THOP1: variants seen among roughly 807,000 people sequenced by gnomAD.
THOP1 encodes thimet oligopeptidase 1.
A neutral mutation model predicts 71.8 loss-of-function variants in THOP1; 49 were observed. The observed-to-expected ratio is 0.68, with a 90% confidence interval of 0.54 to 0.87. THOP1 has a LOEUF of 0.87. Among genes scored for constraint, THOP1 ranks in the 40% least tolerant of loss-of-function variants. The pLI is 0.00. For synonymous variants in THOP1, 426 were observed against 421.5 expected, an observed-to-expected ratio of 1.01 and a Z score of -0.13; for missense variants, 843 against 975.6, an observed-to-expected ratio of 0.86 and a Z score of 1.81.
At chr19:2,807,082 C>A in intron 7 of THOP1, 30 bp downstream of exon 7, 1 of 1,593,280 alleles carries the variant, frequency 6.3e-7, no homozygotes, top group Non-Finnish European at 8.5e-7. Context: ...CCACTGGGGT[C>A]CCTGTGGGGA....
At chr19:2,810,575 G>A (rs912133449) in intron 10 of THOP1, 65 bp from the exon 11 acceptor site, 52 of 1,526,822 alleles carry the variant, frequency 3.4e-5, no homozygotes, top group Admixed American at 6.1e-5. Context: ...GGTGGGGGTC[G>A]GAGCTCTGGG....
Position 2,805,903 on chromosome 19 carries a change from G to GGGGGGT in THOP1, c.750+732_750+733insTGGGGG, listed in dbSNP as rs1176004403. ...GGGACGGGCGGGTGCCCATCACTGC[G>GGGGGGT]GGGGGACGGGCGGGTGCCCATCACT... On this transcript the variant is annotated intron_variant, in intron 6 of 12. Coordinates refer to ENST00000307741, the MANE Select transcript of THOP1 (RefSeq NM_003249.5). This position sits in a 1 kb window ranked among gnomAD's most constrained non-coding sequence, Gnocchi z 6.6. The GGGGGGT allele has an allele frequency of 1.7e-4, 18 of 106,096 alleles. No homozygotes were observed. The highest frequency in any genetic ancestry group is 4.7e-4 in the African/African-American group (12 of 25,492). The allele number at this position is 106,096 out of a possible 1,614,324, so 6.6% of individuals were successfully genotyped here.
rs754973529 is a variant in THOP1, at chr19:2,808,393, G to A, written c.1404G>A (p.Val468=). The part of the protein sequence containing the change: ...DAPSLLQHDE[V]ETYFHEFGHV... ...CCTCGCTGCTGCAGCATGACGAGGTGGAGACCTACTTCCATGAGTTTGGCC... is the reference window on the plus strand; with the variant it reads ...CCTCGCTGCTGCAGCATGACGAGGTAGAGACCTACTTCCATGAGTTTGGCC... The change falls in exon 9 of 13, where the codon GTG becomes GTA. Residue 468 remains valine, a synonymous_variant. Coordinates refer to ENST00000307741, the MANE Select transcript of THOP1 (RefSeq NM_003249.5). The A allele has an allele frequency of 1.9e-6, 3 of 1,611,320 alleles. No homozygotes were observed. The highest frequency in any genetic ancestry group is 2.2e-5 in the East Asian group (1 of 44,826).
Position 2,785,507 on chromosome 19 carries a change from T to C in THOP1, c.-156T>C. On this transcript the variant is annotated 5_prime_UTR_variant, in exon 1 of 13. The change abolishes an upstream ATG in the 5' untranslated region. Coordinates refer to ENST00000307741, the MANE Select transcript of THOP1 (RefSeq NM_003249.5). ...TCCCTGTGCGCGCGCCGCCCCAGCA[T>C]GCCCCGGGAGCGCGGGCGGCGGGCC... The C allele has an allele frequency of 2.7e-6, 2 of 741,850 alleles. No homozygotes were observed. Among genetic ancestry groups the C allele is most frequent in the South Asian group, 4.0e-5 (1 of 25,020 alleles). 46.0% of individuals were successfully genotyped at this position (741,850 alleles called of 1,614,324 possible). A position where few individuals can be genotyped will look rare whatever the true frequency, so the allele number is the denominator to read the frequency against.
At chr19:2,789,811 G>A (rs1188196376) in intron 1 of THOP1, 1 of 152,590 alleles carries the variant, frequency 6.6e-6, no homozygotes, top group African/African-American at 2.4e-5. Context: ...GGAGTGCAGT[G>A]GCGCGATCTT....
chr19:2,791,048 CGGGTATTTGTTTCTCTCTGAAT>C (rs1483239325), intron 2 of THOP1, among the ~76,000 whole-genome samples: 1 of 152,210 alleles, frequency 6.6e-6, no homozygotes, highest in Non-Finnish European at 1.5e-5. Flanking sequence ...CCCGGGAAGG[CGGGTATTTGTTTCTCTCTGAAT>C]GACTGAACTT....
At chr19:2,787,204 T>C (rs1380817590) in intron 1 of THOP1, among the ~76,000 whole-genome samples, 1 of 152,176 alleles carries the variant, frequency 6.6e-6, no homozygotes, top group Non-Finnish European at 1.5e-5. Context: ...CGGCCTGGGT[T>C]TTAGAAGGTC....
At chr19:2,791,813 C>T (rs745500042) in intron 2 of THOP1, among the ~76,000 whole-genome samples, 1 of 152,180 alleles carries the variant, frequency 6.6e-6, no homozygotes, top group African/African-American at 2.4e-5. Flanking sequence ...AAACTGAATT[C>T]GGCCCCAGTG....
At chr19:2,812,833 C>T (rs1265237306) in intron 12 of THOP1, among the ~76,000 whole-genome samples, 1 of 152,228 alleles carries the variant, frequency 6.6e-6, no homozygotes, top group African/African-American at 2.4e-5. Flanking sequence ...TGTTCATGGG[C>T]TCAGCCTGGG....
Position 2,815,207 on chromosome 19 carries a change from G to C in THOP1, c.*1931G>C, listed in dbSNP as rs1321438111. ...TCAGGTGGCCTCCACCTGGTCCCCA[G>C]CGAAGTCCCAGTTGTGCAAGAGCAC... On this transcript the variant is annotated 3_prime_UTR_variant, in exon 13 of 13. Transcript: ENST00000307741. 6.6e-6 allele frequency: 1 copy of C among 152,326 alleles called. No homozygotes were observed. Among genetic ancestry groups the C allele is most frequent in the Non-Finnish European group, 1.5e-5 (1 of 68,122 alleles). The allele number at this position is 152,326 out of a possible 1,614,324, so 9.4% of individuals were successfully genotyped here.
rs912549554 is a variant in THOP1 at position 2,794,867 on chromosome 19, G to A, written c.333G>A (p.Glu111=). 6 of 1,614,058 alleles carry A rather than the reference G, an allele frequency of 3.7e-6. No homozygotes were observed. The highest frequency in any genetic ancestry group is 5.1e-6 in the Non-Finnish European group (6 of 1,179,980). Residue 111 remains glutamate, a synonymous_variant, in exon 3 of 13, where the codon GAG becomes GAA. Coordinates refer to ENST00000307741, the MANE Select transcript of THOP1 (RefSeq NM_003249.5). ...ADKKLSEFDV[E]MSMREDVYQR... ...AGAAGCTCTCTGAGTTCGACGTGGA[G>A]ATGAGCATGAGGGAGGACGTGTACC...
Position 2,807,502 on chromosome 19 carries a change from T to C in THOP1, c.947T>C (p.Leu316Pro), listed in dbSNP as rs1327740314. ...CAGGAGCGTGCGGTGATTCTGGAGC[T>C]GAAGCGTGCGGAGTGCGAGCGCCGG... ...GEQERAVILE[L>P]KRAECERRGL... Residue 316 changes from leucine (L) to proline (P), a missense_variant, in exon 8 of 13, where the codon CTG (leucine) becomes CCG (proline). Physicochemically the swap from Leu to Pro is moderately conservative, Grantham distance 98. Transcript: ENST00000307741. The C allele has an allele frequency of 6.2e-7, 1 of 1,611,102 alleles. No individual in the cohort carries two copies. The highest frequency in any genetic ancestry group is 2.2e-5 in the East Asian group (1 of 44,850).
Position 2,796,094 on chromosome 19 carries a change from A to G in THOP1, c.392A>G (p.Lys131Arg), listed in dbSNP as rs772191408. The G allele has an allele frequency of 5.0e-6, 8 of 1,613,708 alleles. No homozygotes were observed. Among genetic ancestry groups the G allele is most frequent in the Non-Finnish European group, 6.8e-6 (8 of 1,179,906 alleles). The change falls in exon 4 of 13, where the codon AAG (lysine) becomes AGG (arginine). Residue 131 changes from lysine to arginine, a missense_variant. By Grantham distance (26) the Lys-to-Arg change is conservative. Coordinates refer to ENST00000307741, the MANE Select transcript of THOP1 (RefSeq NM_003249.5). ...TTTTTATTCCAGGAGAAAGTTCAGAAGGACTCACTGAGGCCCGAGGCTGCG... is the reference window on the plus strand; with the variant it reads ...TTTTTATTCCAGGAGAAAGTTCAGAGGGACTCACTGAGGCCCGAGGCTGCG... ...RIVWLQEKVQ[K>R]DSLRPEAARY...
At position 2,801,327 on chromosome 19, in the gene THOP1, C is replaced by T. The variant is rs1916139333; in HGVS notation, c.589+1536C>T. On this transcript the variant is annotated intron_variant, in intron 5 of 12. Coordinates refer to ENST00000307741, the MANE Select transcript of THOP1 (RefSeq NM_003249.5). The surrounding 1 kb of genome is among the most constrained non-coding windows in gnomAD (Gnocchi z 5.1). ...GCCAGTTTTGTTCTTGTCGGCGTTT[C>T]AGCTGCCTGTTTCTTTTCACGTTTG... is the stretch of plus-strand genomic sequence containing the variant. 6.6e-6 allele frequency among the ~76,000 whole-genome samples: 1 copy of T among 152,216 alleles called. No individual in the cohort carries two copies. Among genetic ancestry groups the T allele is most frequent in the Non-Finnish European group, 1.5e-5 (1 of 68,040 alleles).
In THOP1 at chr19:2,813,586, G is replaced by A. The variant is rs547580072; in HGVS notation, c.*310G>A. On this transcript the variant is annotated 3_prime_UTR_variant, in exon 13 of 13. Transcript: ENST00000307741. ...TTCTTTGAAATGAGGTCATTAAAAG[G>A]AAACAGAAAAAGAGAGAGGCTCCCT... is the stretch of plus-strand genomic sequence containing the variant. 77 of 347,388 alleles carry A rather than the reference G, an allele frequency of 2.2e-4. No individual in the cohort carries two copies. The highest frequency in any genetic ancestry group is 1.6e-3 in the Middle Eastern group (2 of 1,244). The allele number at this position is 347,388 out of a possible 1,614,324, so 21.5% of individuals were successfully genotyped here.
chr19:2,790,053 G>A (rs747514622), intron 1 of THOP1: 3 of 169,540 alleles, frequency 1.8e-5, no homozygotes, highest in Non-Finnish European at 3.8e-5. Flanking sequence ...AAGCCTGGCC[G>A]GGCAGGGGGA....
chr19:2,792,203 G>A (rs1319559630), intron 2 of THOP1, among the ~76,000 whole-genome samples: 2 of 152,206 alleles, frequency 1.3e-5, no homozygotes, highest in African/African-American at 2.4e-5. Flanking sequence ...CGTCAGGCCT[G>A]GCCCAGAGCC....
rs527829231 is a variant in THOP1 at position 2,794,696 on chromosome 19, C to T, written c.230-68C>T. ...AGCAGACAGGCCTGGGAGAGGGGTCCGGGCAACACCTGCCAGTTGTACTGG... is the reference window on the plus strand; with the variant it reads ...AGCAGACAGGCCTGGGAGAGGGGTCTGGGCAACACCTGCCAGTTGTACTGG... On this transcript the variant is annotated intron_variant, in intron 2 of 12. Coordinates refer to ENST00000307741, the MANE Select transcript of THOP1 (RefSeq NM_003249.5). The T allele has an allele frequency of 1.7e-5, 27 of 1,548,718 alleles. 1 individual carries two copies. The highest frequency in any genetic ancestry group is 1.4e-4 in the South Asian group (12 of 84,130).
intron 5 of THOP1, 148 bp downstream of exon 5, chr19:2,799,939 G>C (rs1360897403): frequency 5.9e-6 from 4 of 672,850 alleles, no homozygotes; most frequent in Non-Finnish European, 9.9e-6. Context: ...GACCGCCCTG[G>C]GCTGAGGACT....
Sources: gnomAD v4.1 joint callset for allele counts (sites outside exome capture counted in the v4.1 genomes callset) on GRCh38, gnomAD v4.1.1 for gene constraint, Gnocchi (gnomAD v3.1) non-coding constraint, MANE v1.5 for transcripts, NCBI Gene and HGNC (gene_info 2026-07-23, HGNC 2026-07-21) for gene names.